F2: variants seen among roughly 807,000 people sequenced by gnomAD.
The protein encoded by F2 is prothrombin.
Under a neutral mutation model 81.9 loss-of-function variants are expected in F2, and 34 were observed. The observed-to-expected ratio is 0.42, with a 90% confidence interval of 0.32 to 0.55. The LOEUF (loss-of-function observed/expected upper bound fraction) is 0.55. F2 is among the 20% of genes least tolerant of loss of function. The pLI, the probability that F2 is intolerant of heterozygous loss-of-function variation, is 0.18. For synonymous variants in F2, 296 were observed against 326.4 expected, an observed-to-expected ratio of 0.91 and a Z score of 1.01; for missense variants, 630 against 833.4, an observed-to-expected ratio of 0.76 and a Z score of 3.00.
chr11:46,720,097 CTT>C, intron 2 of F2: 1 of 612,286 alleles, frequency 1.6e-6, no homozygotes, highest in Non-Finnish European at 2.9e-6. Flanking sequence ...CCTCCACAGT[CTT>C]CAGACATCCA....
intron 12 of F2, among the ~76,000 whole-genome samples, chr11:46,738,344 C>T (rs950738335): frequency 1.3e-5 from 2 of 152,046 alleles, no homozygotes; most frequent in African/African-American, 4.8e-5. Context: ...TAGTGTTGTT[C>T]TGTATTGTTT....
intron 12 of F2, among the ~76,000 whole-genome samples, chr11:46,732,166 A>G (rs996415555): frequency 1.3e-5 from 2 of 151,724 alleles, no homozygotes; most frequent in African/African-American, 4.8e-5. Context: ...CGTCTGCCTC[A>G]GCCTCCCAAA....
chr11:46,728,217 G>T lies in F2; in HGVS notation c.1298+54G>T, dbSNP rs1257742760. 1 of 1,559,396 alleles carries T rather than the reference G, an allele frequency of 6.4e-7. No individual in the cohort carries two copies. Among genetic ancestry groups the T allele is most frequent in the Non-Finnish European group, 8.7e-7 (1 of 1,144,942 alleles). ...GGCAGGGGTCTGAGTCCTCCAAAGC[G>T]ATCATGAGGGGCCCTGGTGGCTCCG... On this transcript the variant is annotated intron_variant, in intron 10 of 13. Coordinates refer to ENST00000311907, the MANE Select transcript of F2 (RefSeq NM_000506.5). The surrounding 1 kb of genome is among the most constrained non-coding windows in gnomAD (Gnocchi z 5.1).
At chr11:46,724,095 C>T (rs1274317110) in intron 6 of F2, among the ~76,000 whole-genome samples, 1 of 152,162 alleles carries the variant, frequency 6.6e-6, no homozygotes, top group Non-Finnish European at 1.5e-5. Context: ...GATCAAGGCA[C>T]TCCTCCCTCC....
chr11:46,726,015 G>A lies in F2; in HGVS notation c.716G>A (p.Ser239Asn), dbSNP rs747599755. Residue 239 changes from serine (S) to asparagine (N), a missense_variant, in exon 7 of 14, where the codon AGC (serine) becomes AAC (asparagine). Physicochemically the swap from Ser to Asn is conservative, Grantham distance 46 (BLOSUM62 1). Transcript: ENST00000311907. The surrounding 1 kb of genome is among the most constrained non-coding windows in gnomAD (Gnocchi z 5.9). ...THGLPCLAWA[S>N]AQAKALSKHQ... Reference sequence around the variant, plus strand: ...GGGCTCCCCTGCCTGGCCTGGGCCAGCGCACAGGCCAAGGCCCTGAGCAAG... The same window carrying A: ...GGGCTCCCCTGCCTGGCCTGGGCCAACGCACAGGCCAAGGCCCTGAGCAAG... 6.2e-7 allele frequency: 1 copy of A among 1,614,038 alleles called. No homozygotes were observed. The highest frequency in any genetic ancestry group is 8.5e-7 in the Non-Finnish European group (1 of 1,179,986).
chr11:46,721,674 C>T (rs1483671553), intron 4 of F2, among the ~76,000 whole-genome samples: 1 of 152,142 alleles, frequency 6.6e-6, no homozygotes, highest in Non-Finnish European at 1.5e-5. Flanking sequence ...CTGAAGGCAC[C>T]TTTAGCACGA....
rs45622635 is a variant in F2 at position 46,726,654 on chromosome 11, C to A, written c.1003+28C>A. The A allele has an allele frequency of 1.2e-6, 2 of 1,613,396 alleles. No homozygotes were observed. Among genetic ancestry groups the A allele is most frequent in the Non-Finnish European group, 1.7e-6 (2 of 1,179,436 alleles). ...GAGGTAGTGGGCATCCGAGGGGATGCGGGGCTGCGGGGCTGGTGGCCAGGA... is the reference window on the plus strand; with the variant it reads ...GAGGTAGTGGGCATCCGAGGGGATGAGGGGCTGCGGGGCTGGTGGCCAGGA... On this transcript the variant is annotated intron_variant, in intron 8 of 13. Transcript: ENST00000311907. This position sits in a 1 kb window ranked among gnomAD's most constrained non-coding sequence, Gnocchi z 5.9.
intron 12 of F2, among the ~76,000 whole-genome samples, chr11:46,733,782 CTTTTTTTTTTTTT>C (rs34296052): frequency 2.2e-5 from 2 of 89,770 alleles, no homozygotes; most frequent in Admixed American, 3.1e-4. Flanking sequence ...GATTAAGGAC[CTTTTTTTTTTTTT>C]TTTTTTTTTT....
In F2 at chr11:46,723,557, C is replaced by T. The variant is rs771528049; in HGVS notation, c.559+39C>T. On this transcript the variant is annotated intron_variant, in intron 6 of 13. Coordinates refer to ENST00000311907, the MANE Select transcript of F2 (RefSeq NM_000506.5). This position sits in a 1 kb window ranked among gnomAD's most constrained non-coding sequence, Gnocchi z 5.6. ...AGTGGGGCGGCCCATGGCCAAGGCC[C>T]GGGGGCTTCATGGGGCCTGGCAGCC... is the stretch of plus-strand genomic sequence containing the variant. The T allele has an allele frequency of 1.3e-5, 20 of 1,580,682 alleles. No individual in the cohort carries two copies. The highest frequency in any genetic ancestry group is 7.4e-5 in the Admixed American group (4 of 53,976).
At chr11:46,730,071 G>A (rs994177147) in intron 12 of F2, among the ~76,000 whole-genome samples, 1 of 152,004 alleles carries the variant, frequency 6.6e-6, no homozygotes, top group African/African-American at 2.4e-5. Context: ...CAGACAAGGT[G>A]GGCAGATCAC....
At position 46,739,272 on chromosome 11, in the gene F2, T is replaced by A; in HGVS notation, c.1733T>A (p.Phe578Tyr). 6.2e-7 allele frequency: 1 copy of A among 1,614,146 alleles called. No homozygotes were observed. Residue 578 changes from phenylalanine (F) to tyrosine (Y), a missense_variant, in exon 14 of 14, where the codon TTT becomes TAT. Coordinates refer to ENST00000311907, the MANE Select transcript of F2 (RefSeq NM_000506.5). ...SGGPFVMKSP[F>Y]NNRWYQMGIV... ...CTCATCTTTCTTCTTCAGAGCCCCT[T>A]TAACAACCGCTGGTATCAAATGGGC...
chr11:46,720,767 G>T, intron 3 of F2, 23 bp from the exon 4 acceptor site: 1 of 1,613,916 alleles, frequency 6.2e-7, no homozygotes, highest in Non-Finnish European at 8.5e-7. Context: ...AATCCCAAAG[G>T]TAAACACCTG....
chr11:46,728,157 G>A lies in F2; in HGVS notation c.1292G>A (p.Arg431His), dbSNP rs121918482. ...CTGGTGCGCATTGGCAAGCACTCCCGCACCAGGTACAGAACTGGTGGCCCG... is the reference window on the plus strand; with the variant it reads ...CTGGTGCGCATTGGCAAGCACTCCCACACCAGGTACAGAACTGGTGGCCCG... ...DLLVRIGKHS[R>H]TRYERNIEKI... The change falls in exon 10 of 14, where the codon CGC becomes CAC. Residue 431 changes from arginine (R) to histidine (H), a missense_variant. Physicochemically the swap from Arg to His is conservative, Grantham distance 29. Transcript: ENST00000311907. The surrounding 1 kb of genome is among the most constrained non-coding windows in gnomAD (Gnocchi z 5.1). 8 of 1,607,598 alleles carry A rather than the reference G, an allele frequency of 5.0e-6. No individual in the cohort carries two copies. Among genetic ancestry groups the A allele is most frequent in the East Asian group, 2.2e-5 (1 of 44,804 alleles).
chr11:46,722,858 G>A (rs1298867417), intron 4 of F2, among the ~76,000 whole-genome samples: 1 of 152,208 alleles, frequency 6.6e-6, no homozygotes. Flanking sequence ...AGTTGAAAAG[G>A]ACCTTCATCA....
chr11:46,720,182 T>G, intron 2 of F2: 1 of 545,898 alleles, frequency 1.8e-6, no homozygotes, highest in Non-Finnish European at 3.3e-6. Flanking sequence ...GGGGTGGGAC[T>G]CTGGGGAGGC....
rs1420307397 is a variant in F2 at position 46,726,875 on chromosome 11, G to A, written c.1130+38G>A. 2 of 1,611,188 alleles carry A rather than the reference G, an allele frequency of 1.2e-6. No individual in the cohort carries two copies. Among genetic ancestry groups the A allele is most frequent in the African/African-American group, 1.3e-5 (1 of 74,914 alleles). On this transcript the variant is annotated intron_variant, in intron 9 of 13. Transcript: ENST00000311907. This position sits in a 1 kb window ranked among gnomAD's most constrained non-coding sequence, Gnocchi z 5.9. ...GCCCTGCGCTACCATTCACTCCTGG[G>A]GGCAGGTGTGCTGCTGGACCCCCAC... is the stretch of plus-strand genomic sequence containing the variant.
rs770459055 is a variant in F2, at chr11:46,726,631, G to GGTA, written c.1003+8_1003+10dup. 3.7e-6 allele frequency: 6 copies of GGTA among 1,613,658 alleles called. No homozygotes were observed. In the South Asian group the frequency reaches 5.5e-5, roughly 15 times the overall value. ...CCTTTGGCTCGGGAGAGGCAGGTGA[G>GGTA]GTAGTGGGCATCCGAGGGGATGCGG... On this transcript the variant is annotated splice_donor_region_variant and intron_variant, in intron 8 of 13. Transcript: ENST00000311907. This position sits in a 1 kb window ranked among gnomAD's most constrained non-coding sequence, Gnocchi z 5.9.
chr11:46,719,502 T>C lies in F2; in HGVS notation c.79+188T>C, dbSNP rs2064821562. The C allele has an allele frequency of 9.6e-6, 9 of 940,156 alleles. No homozygotes were observed. Among genetic ancestry groups the C allele is most frequent in the Non-Finnish European group, 1.3e-5 (8 of 610,552 alleles). 58.2% of individuals were successfully genotyped at this position (940,156 alleles called of 1,614,324 possible). On this transcript the variant is annotated intron_variant, in intron 1 of 13. Coordinates refer to ENST00000311907, the MANE Select transcript of F2 (RefSeq NM_000506.5). This position sits in a 1 kb window ranked among gnomAD's most constrained non-coding sequence, Gnocchi z 4.7. Reference sequence around the variant, plus strand: ...GAATGGCTGCTTCTCTCTTCCAATATAGGGAGCAGGCTGGGGGCAAGGGGC... The same window carrying C: ...GAATGGCTGCTTCTCTCTTCCAATACAGGGAGCAGGCTGGGGGCAAGGGGC...
At chr11:46,721,841 ATT>A (rs1195063307) in intron 4 of F2, among the ~76,000 whole-genome samples, 16 of 129,996 alleles carry the variant, frequency 1.2e-4, no homozygotes, top group South Asian at 2.4e-4. Flanking sequence ...CCATACTTTC[ATT>A]TTTTTTTTTT....
Sources: allele counts gnomAD v4.1 joint callset (sites outside exome capture counted in the v4.1 genomes callset), GRCh38; gene constraint gnomAD v4.1.1; non-coding constraint Gnocchi (gnomAD v3.1); transcripts MANE v1.5; gene names NCBI Gene and HGNC (gene_info 2026-07-23, HGNC 2026-07-21).